WWOX: variants seen among roughly 807,000 people sequenced by gnomAD.
WWOX encodes WW domain containing oxidoreductase.
In WWOX, 69 loss-of-function variants were observed where a neutral mutation model predicts 46.2. That is an observed-to-expected ratio of 1.49 (90% CI 1.23 to 1.82). The LOEUF (loss-of-function observed/expected upper bound fraction) is 1.82, where lower values mean the gene tolerates loss of function less well. Ranked by LOEUF, WWOX falls within the 40% of genes most tolerant of loss-of-function variation. The probability of loss-of-function intolerance (pLI) is 0.00; values close to 1 mark genes in which losing one functional copy is unlikely to be tolerated. For missense variants in WWOX, 919 were observed against 542.6 expected, an observed-to-expected ratio of 1.69 and a Z score of -6.89; for synonymous variants, 359 against 202.6, an observed-to-expected ratio of 1.77 and a Z score of -6.56.
At chr16:79,023,229 C>T (rs962015821) in intron 8 of WWOX, among the ~76,000 whole-genome samples, 4 of 152,160 alleles carry the variant, frequency 2.6e-5, no homozygotes, top group African/African-American at 7.2e-5. Flanking sequence ...TGTTGGAAGG[C>T]TGTCAAGCTG....
chr16:78,765,126 A>T (rs1187235475), intron 8 of WWOX, among the ~76,000 whole-genome samples: 1 of 152,156 alleles, frequency 6.6e-6, no homozygotes, highest in Non-Finnish European at 1.5e-5. Flanking sequence ...TGGTAGGGTG[A>T]TGGTCCTTGA....
At chr16:78,117,956 A>G (rs979777537) in intron 4 of WWOX, among the ~76,000 whole-genome samples, 1 of 152,122 alleles carries the variant, frequency 6.6e-6, no homozygotes, top group Non-Finnish European at 1.5e-5. Flanking sequence ...TGGTGACTCC[A>G]CAATAAAAAC....
intron 8 of WWOX, among the ~76,000 whole-genome samples, chr16:79,182,928 A>G (rs981009199): frequency 6.6e-6 from 1 of 152,210 alleles, no homozygotes; most frequent in East Asian, 1.9e-4. Context: ...CTCAGAAAGT[A>G]GGCTGAGGGA....
chr16:78,206,438 C>G (rs956343126), intron 5 of WWOX, among the ~76,000 whole-genome samples: 3 of 152,024 alleles, frequency 2.0e-5, no homozygotes, highest in Non-Finnish European at 4.4e-5. Flanking sequence ...AGATTAGGAA[C>G]TTTAAATGTT....
chr16:78,504,761 A>G (rs1036646341), intron 8 of WWOX, among the ~76,000 whole-genome samples: 1 of 152,192 alleles, frequency 6.6e-6, no homozygotes, highest in East Asian at 1.9e-4. Context: ...CCACGGACGC[A>G]TGAAGCCTCC....
intron 1 of WWOX, 39 bp from the exon 2 acceptor site, chr16:78,108,380 GTTAA>G: frequency 6.3e-7 from 1 of 1,590,080 alleles, no homozygotes. Context: ...TTTTAGAAGA[GTTAA>G]TTTTTACTTA....
chr16:78,679,128 C>A (rs1283163336), intron 8 of WWOX, among the ~76,000 whole-genome samples: 1 of 152,120 alleles, frequency 6.6e-6, no homozygotes, highest in African/African-American at 2.4e-5. Flanking sequence ...CGTCTTGGAC[C>A]TAGGGATGGA....
At chr16:79,152,148 G>A (rs2050292098) in intron 8 of WWOX, among the ~76,000 whole-genome samples, 1 of 152,252 alleles carries the variant, frequency 6.6e-6, no homozygotes, top group South Asian at 2.1e-4. Context: ...TTTTGTTTCT[G>A]TCGGCACTGC....
intron 8 of WWOX, among the ~76,000 whole-genome samples, chr16:78,937,256 G>A (rs1163499722): frequency 6.6e-6 from 1 of 152,050 alleles, no homozygotes; most frequent in Non-Finnish European, 1.5e-5. Context: ...ACCTGAAAGT[G>A]ACCCAAATAA....
intron 8 of WWOX, among the ~76,000 whole-genome samples, chr16:78,946,345 A>G (rs556596564): frequency 2.6e-4 from 39 of 152,094 alleles, no homozygotes; most frequent in African/African-American, 8.9e-4. Context: ...ATGCGCCACC[A>G]TGCCCAGCTA....
chr16:78,715,614 G>A (rs79462693), intron 8 of WWOX, among the ~76,000 whole-genome samples: 23,798 of 152,008 alleles, frequency 0.16, 2,071 homozygotes, highest in East Asian at 0.31. Context: ...CGAGTAGCTG[G>A]GATTACAGGC....
chr16:79,074,301 G>A (rs981717073), intron 8 of WWOX, among the ~76,000 whole-genome samples: 1 of 150,482 alleles, frequency 6.6e-6, no homozygotes, highest in Admixed American at 6.6e-5. Flanking sequence ...ATGGTTGGCT[G>A]TCACCCCCAT....
chr16:78,565,991 TGG>T (rs975739836), intron 8 of WWOX, among the ~76,000 whole-genome samples: 1 of 149,042 alleles, frequency 6.7e-6, no homozygotes, highest in African/African-American at 2.5e-5. Flanking sequence ...TACCATAGAC[TGG>T]GCAGGTTAAA....
intron 8 of WWOX, among the ~76,000 whole-genome samples, chr16:78,879,887 A>AAAG (rs1426477763): frequency 6.6e-6 from 1 of 151,668 alleles, no homozygotes. Context: ...CAAAAAAAAA[A>AAAG]AAGAAGAAGA....
At chr16:78,490,591 G>C (rs1342223074) in intron 8 of WWOX, among the ~76,000 whole-genome samples, 1 of 152,206 alleles carries the variant, frequency 6.6e-6, no homozygotes, top group African/African-American at 2.4e-5. Context: ...AGGGCATTTT[G>C]ATGTGGCCCA....
At chr16:79,022,528 G>A (rs1007650303) in intron 8 of WWOX, among the ~76,000 whole-genome samples, 17 of 152,032 alleles carry the variant, frequency 1.1e-4, no homozygotes, top group Admixed American at 5.9e-4. Context: ...ATATGTTCCC[G>A]ATGATTGCTC....
chr16:78,950,591 T>A (rs1055637510), intron 8 of WWOX, among the ~76,000 whole-genome samples: 2 of 151,172 alleles, frequency 1.3e-5, no homozygotes, highest in Admixed American at 1.3e-4. Flanking sequence ...AAATGGAGAT[T>A]TCTAACATAA....
intron 8 of WWOX, among the ~76,000 whole-genome samples, chr16:78,514,475 A>G (rs1468929316): frequency 6.6e-6 from 1 of 152,156 alleles, no homozygotes; most frequent in Non-Finnish European, 1.5e-5. Context: ...GCAGTGAGCT[A>G]AAAAGTTAGC....
At chr16:78,604,076 G>A (rs1021716263) in intron 8 of WWOX, among the ~76,000 whole-genome samples, 3 of 152,126 alleles carry the variant, frequency 2.0e-5, no homozygotes, top group East Asian at 3.9e-4. Flanking sequence ...CCCGGGAGGT[G>A]GAGGCTGCAG....
Sources: allele counts gnomAD v4.1 joint callset (sites outside exome capture counted in the v4.1 genomes callset), GRCh38; gene constraint gnomAD v4.1.1; transcripts MANE v1.5; gene names NCBI Gene and HGNC (gene_info 2026-07-23, HGNC 2026-07-21).